Variants in ADD3 observed in about 807,000 individuals in gnomAD.
ADD3 encodes adducin 3, also known as gamma-adducin.
A neutral mutation model predicts 80.2 loss-of-function variants in ADD3; 25 were observed. That is an observed-to-expected ratio of 0.31 (90% CI 0.23 to 0.44). ADD3 has a LOEUF of 0.44. ADD3 is among the 20% of genes least tolerant of loss of function. ADD3 has a pLI of 1.00. For synonymous variants in ADD3, 284 were observed against 289.6 expected, an observed-to-expected ratio of 0.98 and a Z score of 0.20; for missense variants, 829 against 847.5, an observed-to-expected ratio of 0.98 and a Z score of 0.27.
At chr10:110,103,382 A>T (rs1465714437) in intron 2 of ADD3, among the ~76,000 whole-genome samples, 3 of 152,214 alleles carry the variant, frequency 2.0e-5, no homozygotes, top group Non-Finnish European at 2.9e-5. Context: ...TCAATATGTT[A>T]GCCAGGGCTG....
chr10:110,101,253 T>C (rs949955293), intron 2 of ADD3, among the ~76,000 whole-genome samples: 1 of 152,040 alleles, frequency 6.6e-6, no homozygotes, highest in African/African-American at 2.4e-5. Context: ...AGACTTAAGG[T>C]TTTTGAGGAA....
chr10:110,090,855 C>T (rs1275379643), intron 1 of ADD3, among the ~76,000 whole-genome samples: 1 of 151,980 alleles, frequency 6.6e-6, no homozygotes, highest in African/African-American at 2.4e-5. Context: ...GGGGTTTTTT[C>T]CCTTGACTTT....
At chr10:110,070,878 C>T (rs1247033152) in intron 1 of ADD3, among the ~76,000 whole-genome samples, 1 of 150,270 alleles carries the variant, frequency 6.7e-6, no homozygotes, top group African/African-American at 2.4e-5. Flanking sequence ...ACAGGCAGCC[C>T]AAGTTCTACA....
intron 1 of ADD3, among the ~76,000 whole-genome samples, chr10:110,061,663 T>G (rs1233682517): frequency 1.3e-5 from 2 of 152,196 alleles, no homozygotes; most frequent in African/African-American, 4.8e-5. Flanking sequence ...GCTTTTCTTT[T>G]GTATTGCTGT....
In ADD3 at chr10:110,113,092, C is replaced by G. The variant is rs554896884; in HGVS notation, c.334+177C>G. 1.6e-4 allele frequency among the ~76,000 whole-genome samples: 25 copies of G among 152,200 alleles called. No homozygotes were observed. In the South Asian group the frequency reaches 5.2e-3, roughly 32 times the overall value. On this transcript the variant is annotated intron_variant, in intron 3 of 14. Coordinates refer to ENST00000356080, the MANE Select transcript of ADD3 (RefSeq NM_016824.5). ...TCATATCAACCAGGCATTTACTACA[C>G]TTTGTACAGATTATAAGATGATATA...
intron 1 of ADD3, among the ~76,000 whole-genome samples, chr10:110,090,197 A>G (rs953664838): frequency 1.3e-5 from 2 of 150,868 alleles, no homozygotes; most frequent in African/African-American, 4.9e-5. Flanking sequence ...TTATGTTGAT[A>G]TAACAAGCAC....
upstream of ADD3, among the ~76,000 whole-genome samples, chr10:110,004,548 AC>A (rs1851559847): frequency 6.6e-6 from 1 of 151,418 alleles, no homozygotes; most frequent in Non-Finnish European, 1.5e-5. Flanking sequence ...TGACCTCGTG[AC>A]CTGCCTGCCT....
chr10:110,073,682 C>G (rs1442636982), intron 1 of ADD3, among the ~76,000 whole-genome samples: 7 of 152,128 alleles, frequency 4.6e-5, no homozygotes, highest in Non-Finnish European at 1.0e-4. Flanking sequence ...ATTTTTCTGT[C>G]ATTTTGCTTT....
At chr10:110,016,575 C>T (rs1160612831) in intron 1 of ADD3, 1 of 152,198 alleles carries the variant, frequency 6.6e-6, no homozygotes, top group Non-Finnish European at 1.5e-5. Context: ...ATGTTAAAAT[C>T]TGCTTGGGCT....
intron 1 of ADD3, among the ~76,000 whole-genome samples, chr10:110,063,372 A>G (rs1843437615): frequency 6.6e-6 from 1 of 152,072 alleles, no homozygotes; most frequent in Non-Finnish European, 1.5e-5. Flanking sequence ...AATTTTCTTG[A>G]ATTTCTTTAT....
chr10:110,122,083 C>G (rs1217728801), intron 8 of ADD3, 27 bp from the exon 9 acceptor site: 2 of 1,576,350 alleles, frequency 1.3e-6, no homozygotes, highest in Non-Finnish European at 1.7e-6. Context: ...AGTTTTGTGT[C>G]TCTGTATATT....
Position 110,020,481 on chromosome 10 carries a change from G to A in ADD3, c.-30+12182G>A, listed in dbSNP as rs186358035. On this transcript the variant is annotated intron_variant, in intron 1 of 14. Coordinates refer to ENST00000356080, the MANE Select transcript of ADD3 (RefSeq NM_016824.5). The stretch of plus-strand genomic sequence containing the variant: ...TGAGAGAGCATGCATGTGGATGTCT[G>A]CGGGGAAGAACATTGCAGGCAGAGG... Among the ~76,000 whole-genome samples, 20 of 152,254 alleles carry A rather than the reference G, an allele frequency of 1.3e-4. No individual in the cohort carries two copies. In the East Asian group the frequency reaches 3.9e-3, roughly 29 times the overall value.
upstream of ADD3, among the ~76,000 whole-genome samples, chr10:110,006,869 T>C (rs1406363621): frequency 6.7e-6 from 1 of 150,310 alleles, no homozygotes; most frequent in Non-Finnish European, 1.5e-5. Flanking sequence ...GGGATAAGGG[T>C]GGGGAACGAA....
At chr10:110,053,302 G>T (rs996411158) in intron 1 of ADD3, among the ~76,000 whole-genome samples, 7 of 151,800 alleles carry the variant, frequency 4.6e-5, no homozygotes, top group Admixed American at 2.6e-4. Flanking sequence ...GGATTTTTTT[G>T]TTGTTGTGGC....
At chr10:110,033,577 C>T (rs755687577) in intron 1 of ADD3, among the ~76,000 whole-genome samples, 5 of 152,028 alleles carry the variant, frequency 3.3e-5, no homozygotes, top group Non-Finnish European at 7.4e-5. Flanking sequence ...CAGATGGGCC[C>T]GTTTCTGGGG....
At chr10:110,115,812 T>A (rs1455729568) in intron 3 of ADD3, among the ~76,000 whole-genome samples, 3 of 152,210 alleles carry the variant, frequency 2.0e-5, no homozygotes, top group Non-Finnish European at 4.4e-5. Flanking sequence ...AGGACAGAAA[T>A]CATACTACTA....
intron 1 of ADD3, among the ~76,000 whole-genome samples, chr10:110,040,531 A>G (rs75403358): frequency 0.012 from 1,752 of 152,326 alleles, 30 homozygotes; most frequent in African/African-American, 0.037. Flanking sequence ...TAAAGCAGAT[A>G]GTTTTATAGC....
Position 110,100,807 on chromosome 10 carries a change from A to G in ADD3, c.154A>G (p.Met52Val), listed in dbSNP as rs1197848372. Residue 52 changes from methionine to valine, a missense_variant, in exon 2 of 15, where the codon ATG (methionine) becomes GTG (valine). Transcript: ENST00000356080. ...SPDLRQDFNM[M>V]EQRKRVTQIL... ...TGATCTACGACAAGACTTCAACATGATGGAGCAGAGGAAACGAGTTACTCA... is the reference window on the plus strand; with the variant it reads ...TGATCTACGACAAGACTTCAACATGGTGGAGCAGAGGAAACGAGTTACTCA... 6 of 1,612,528 alleles carry G rather than the reference A, an allele frequency of 3.7e-6. No homozygotes were observed. The highest frequency in any genetic ancestry group is 1.7e-5 in the Admixed American group (1 of 59,772).
chr10:110,020,492 C>G (rs927041234), intron 1 of ADD3, among the ~76,000 whole-genome samples: 1 of 151,906 alleles, frequency 6.6e-6, no homozygotes, highest in Non-Finnish European at 1.5e-5. Context: ...CGGGGAAGAA[C>G]ATTGCAGGCA....
Sources: allele counts gnomAD v4.1 joint callset (sites outside exome capture counted in the v4.1 genomes callset), GRCh38; gene constraint gnomAD v4.1.1; transcripts MANE v1.5; gene names NCBI Gene and HGNC (gene_info 2026-07-23, HGNC 2026-07-21).